The following PDSS2 variants were observed in gnomAD, a reference collection of about 807,000 sequenced individuals.
PDSS2 encodes all trans-polyprenyl-diphosphate synthase PDSS2.
In PDSS2, 31 loss-of-function variants were observed where a neutral mutation model predicts 44.5. The observed-to-expected ratio is 0.70, with a 90% CI of 0.52 to 0.94. PDSS2 has a LOEUF of 0.94. Ranked by LOEUF, PDSS2 falls within the 40% of genes least tolerant of loss-of-function variation. The pLI is 0.00. For missense variants in PDSS2, 452 were observed against 482.2 expected (o/e 0.94, Z 0.59); for synonymous variants, 157 against 180.3 (o/e 0.87, Z 1.03).
At chr6:107,442,882 G>A (rs1277420023) in intron 1 of PDSS2, among the ~76,000 whole-genome samples, 3 of 152,004 alleles carry the variant, frequency 2.0e-5, no homozygotes, top group Admixed American at 1.3e-4. Flanking sequence ...TCCTCTATCC[G>A]CAAGAACATC....
chr6:107,174,387 A>G (rs1231439382), intron 7 of PDSS2, among the ~76,000 whole-genome samples: 1 of 152,290 alleles, frequency 6.6e-6, no homozygotes, highest in East Asian at 1.9e-4. Context: ...CAGAATGATT[A>G]TTTTTGACAA....
chr6:107,342,389 T>C (rs1192505974), intron 1 of PDSS2, among the ~76,000 whole-genome samples: 1 of 152,130 alleles, frequency 6.6e-6, no homozygotes, highest in Non-Finnish European at 1.5e-5. Context: ...TCCTAAATTG[T>C]AGTAAGTTCT....
At chr6:107,340,906 G>C (rs891370658) in intron 1 of PDSS2, among the ~76,000 whole-genome samples, 4 of 152,220 alleles carry the variant, frequency 2.6e-5, no homozygotes, top group African/African-American at 9.7e-5. Context: ...ACAAGTCCAG[G>C]AAAACAGACA....
At chr6:107,329,998 C>G (rs560040120) in intron 2 of PDSS2, among the ~76,000 whole-genome samples, 1 of 138,094 alleles carries the variant, frequency 7.2e-6, no homozygotes, top group South Asian at 2.3e-4. Flanking sequence ...GAGACTCTGT[C>G]TCAAAAAAAA....
chr6:107,304,515 A>G (rs1776795378), intron 2 of PDSS2, among the ~76,000 whole-genome samples: 2 of 152,228 alleles, frequency 1.3e-5, no homozygotes, highest in Admixed American at 1.3e-4. Context: ...CTAGATTCAC[A>G]TCCCAGCTAT....
chr6:107,429,897 AAAAAATATATATAT>A (rs1350161147), intron 1 of PDSS2, among the ~76,000 whole-genome samples: 1,301 of 41,260 alleles, frequency 0.032, 123 homozygotes, highest in African/African-American at 0.095. Flanking sequence ...AAAAAAAAAA[AAAAAATATATATAT>A]ATATATATAT....
At chr6:107,282,065 C>T (rs990928225) in intron 2 of PDSS2, among the ~76,000 whole-genome samples, 5 of 152,080 alleles carry the variant, frequency 3.3e-5, no homozygotes, top group Non-Finnish European at 7.3e-5. Context: ...GCCACAATAC[C>T]TGGCTAATTT....
chr6:107,295,190 T>C (rs1776474148), intron 2 of PDSS2, among the ~76,000 whole-genome samples: 1 of 152,198 alleles, frequency 6.6e-6, no homozygotes, highest in Admixed American at 6.5e-5. Flanking sequence ...TGCCTCAGCC[T>C]CCCAAAGTGC....
intron 1 of PDSS2, among the ~76,000 whole-genome samples, chr6:107,442,173 T>TA (rs1781528695): frequency 6.6e-6 from 1 of 152,142 alleles, no homozygotes; most frequent in Non-Finnish European, 1.5e-5. Context: ...TCCCAACACT[T>TA]TGGGAGGCCA....
At chr6:107,268,942 ATT>A (rs71012789) in intron 3 of PDSS2, among the ~76,000 whole-genome samples, 1 of 147,570 alleles carries the variant, frequency 6.8e-6, no homozygotes, top group Admixed American at 6.8e-5. Flanking sequence ...AACAAATAGT[ATT>A]TTTTTTTTTT....
chr6:107,410,419 T>C lies in PDSS2; in HGVS notation c.296+48571A>G, dbSNP rs139254672. ...AGACACACACACACCCATAAAACAC[T>C]TTCCTCCTTTCTTACACAAAGGATA... On this transcript the variant is annotated intron_variant, in intron 1 of 7. Transcript: ENST00000369037. 5.3e-5 allele frequency among the ~76,000 whole-genome samples: 8 copies of C among 152,248 alleles called. No individual in the cohort carries two copies. In the East Asian group the frequency reaches 1.5e-3, roughly 29 times the overall value.
chr6:107,293,169 T>A (rs1776401353), intron 2 of PDSS2, among the ~76,000 whole-genome samples: 1 of 152,160 alleles, frequency 6.6e-6, no homozygotes, highest in Admixed American at 6.5e-5. Context: ...CCTGGACATA[T>A]GGGAATCCCT....
At chr6:107,176,585 G>A (rs902268467) in intron 7 of PDSS2, among the ~76,000 whole-genome samples, 20 of 152,074 alleles carry the variant, frequency 1.3e-4, no homozygotes, top group Admixed American at 1.1e-3. Flanking sequence ...CTCCTGTTGG[G>A]AGTGAGACTT....
At chr6:107,274,893 G>A (rs550037386) in intron 2 of PDSS2, among the ~76,000 whole-genome samples, 233 of 152,052 alleles carry the variant, frequency 1.5e-3, no homozygotes, top group Non-Finnish European at 2.3e-3. Flanking sequence ...GGCTGGTCTT[G>A]AACTCCTGAG....
chr6:107,262,493 C>T (rs1207393992), intron 3 of PDSS2, among the ~76,000 whole-genome samples: 6 of 151,896 alleles, frequency 4.0e-5, no homozygotes, highest in Non-Finnish European at 7.4e-5. Flanking sequence ...AAAATTGGGC[C>T]AGGCAAGGTG....
intron 1 of PDSS2, among the ~76,000 whole-genome samples, chr6:107,364,275 T>C (rs1353768055): frequency 6.6e-6 from 1 of 152,238 alleles, no homozygotes; most frequent in Admixed American, 6.5e-5. Context: ...TCGATGGGAC[T>C]GGGCGCCGTG....
chr6:107,359,007 C>CTTTTTTTTTTTTTTTT (rs59632305), intron 1 of PDSS2, among the ~76,000 whole-genome samples: 1 of 93,058 alleles, frequency 1.1e-5, no homozygotes, highest in Non-Finnish European at 2.0e-5. Context: ...CATTCTCGCT[C>CTTTTTTTTTTTTTTTT]TTTTTTTTTT....
intron 7 of PDSS2, among the ~76,000 whole-genome samples, chr6:107,176,945 T>A (rs1771810801): frequency 6.6e-6 from 1 of 151,442 alleles, no homozygotes; most frequent in East Asian, 1.9e-4. Flanking sequence ...TGTCAAGGAG[T>A]GAAGGTCAAT....
At chr6:107,341,691 C>T (rs1226653022) in intron 1 of PDSS2, among the ~76,000 whole-genome samples, 3 of 152,168 alleles carry the variant, frequency 2.0e-5, no homozygotes, top group Non-Finnish European at 4.4e-5. Context: ...TACACACGCA[C>T]AATGGAGGCA....
Sources: allele counts gnomAD v4.1 joint callset (sites outside exome capture counted in the v4.1 genomes callset), GRCh38; gene constraint gnomAD v4.1.1; transcripts MANE v1.5; gene names NCBI Gene and HGNC (gene_info 2026-07-23, HGNC 2026-07-21).